Variants in KIF18A observed in about 807,000 individuals in gnomAD.
The protein encoded by KIF18A is kinesin-like protein KIF18A.
A neutral mutation model predicts 103.3 loss-of-function variants in KIF18A; 67 were observed. The ratio of observed to expected loss-of-function variants is 0.65; its 90% CI spans 0.53 to 0.79. KIF18A has a LOEUF of 0.79. KIF18A is among the 30% of genes least tolerant of loss of function. The probability of loss-of-function intolerance (pLI) is 0.00; values close to 1 mark genes in which losing one functional copy is unlikely to be tolerated. For synonymous variants in KIF18A, 367 were observed against 355.5 expected (o/e 1.03, Z -0.36); for missense variants, 1,032 against 1,062.5 (o/e 0.97, Z 0.40).
chr11:28,056,934 C>T, intron 13 of KIF18A: 2 of 390,316 alleles, frequency 5.1e-6, no homozygotes, highest in South Asian at 1.8e-5. Flanking sequence ...CTAATAAACA[C>T]CAGATCCCAA....
At chr11:28,047,046 C>T (rs1850645170) in intron 13 of KIF18A, among the ~76,000 whole-genome samples, 2 of 101,686 alleles carry the variant, frequency 2.0e-5, no homozygotes, top group Non-Finnish European at 3.7e-5. Flanking sequence ...AAGAGCAACA[C>T]TTCGTCTCAG....
At position 28,059,267 on chromosome 11, in the gene KIF18A, AT is replaced by A. The variant is rs912674506; in HGVS notation, c.1713-107del. On this transcript the variant is annotated intron_variant, in intron 12 of 16. Transcript: ENST00000263181. The stretch of plus-strand genomic sequence containing the variant: ...AAAGCATTAGCATATCATTAAAATA[AT>A]TTCCCATGTATGAACTGAGTTCTAG... The A allele has an allele frequency of 5.0e-6, 4 of 804,456 alleles. No homozygotes were observed. The Admixed American group carries it at 9.5e-5, about 19-fold the overall frequency. The allele number at this position is 804,456 out of a possible 1,614,324, so 49.8% of individuals were successfully genotyped here.
At chr11:28,054,677 A>T (rs1850755510) in intron 13 of KIF18A, among the ~76,000 whole-genome samples, 1 of 152,202 alleles carries the variant, frequency 6.6e-6, no homozygotes, top group South Asian at 2.1e-4. Flanking sequence ...TAATTCATGA[A>T]ATGGAAAATA....
chr11:28,031,833 C>T (rs1590662744), intron 15 of KIF18A, among the ~76,000 whole-genome samples: 1 of 151,824 alleles, frequency 6.6e-6, no homozygotes, highest in Non-Finnish European at 1.5e-5. Context: ...AGGATGCCCA[C>T]TTTCACCAGT....
chr11:28,052,295 T>C (rs1850721215), intron 13 of KIF18A, among the ~76,000 whole-genome samples: 1 of 152,116 alleles, frequency 6.6e-6, no homozygotes, highest in South Asian at 2.1e-4. Context: ...GCTCCTTGTT[T>C]TATTCAGAGT....
chr11:28,103,286 G>A (rs1476054241), intron 1 of KIF18A, among the ~76,000 whole-genome samples: 1 of 149,896 alleles, frequency 6.7e-6, no homozygotes, highest in Non-Finnish European at 1.5e-5. Flanking sequence ...TTTCAGATTA[G>A]AGATCCTCAA....
chr11:28,073,816 T>C (rs371923318), intron 10 of KIF18A, among the ~76,000 whole-genome samples: 14 of 152,298 alleles, frequency 9.2e-5, no homozygotes, highest in South Asian at 4.1e-4. Context: ...TTTACCTCCA[T>C]TGTGTCAAGC....
chr11:28,102,715 C>T (rs1166312459), intron 1 of KIF18A, among the ~76,000 whole-genome samples: 1 of 152,120 alleles, frequency 6.6e-6, no homozygotes, highest in Non-Finnish European at 1.5e-5. Flanking sequence ...CTTTTAAAAA[C>T]AAATATGTGG....
intron 9 of KIF18A, among the ~76,000 whole-genome samples, chr11:28,080,585 A>G (rs946377502): frequency 2.0e-5 from 3 of 152,124 alleles, no homozygotes; most frequent in Admixed American, 2.0e-4. Flanking sequence ...ATAAGACAGT[A>G]AACTTAATCA....
intron 11 of KIF18A, among the ~76,000 whole-genome samples, chr11:28,067,244 A>G (rs1406776991): frequency 2.0e-5 from 3 of 152,116 alleles, no homozygotes; most frequent in African/African-American, 4.8e-5. Flanking sequence ...AATGTGCTGT[A>G]TTCTATGTTT....
intron 15 of KIF18A, among the ~76,000 whole-genome samples, chr11:28,026,575 C>T (rs1004743254): frequency 2.8e-4 from 42 of 151,842 alleles, no homozygotes; most frequent in African/African-American, 9.9e-4. Flanking sequence ...TATTATTTCA[C>T]AATATTAGTT....
Position 28,083,149 on chromosome 11 carries a change from A to T in KIF18A, c.1149+20T>A. ...ATGAAGAACTGCGCAAGACTAGCAT[A>T]AAAATATAAACAGACATACCTCTGC... On this transcript the variant is annotated intron_variant, in intron 8 of 16. Coordinates refer to ENST00000263181, the MANE Select transcript of KIF18A (RefSeq NM_031217.4). The T allele has an allele frequency of 6.4e-7, 1 of 1,572,732 alleles. No individual in the cohort carries two copies. The highest frequency in any genetic ancestry group is 8.6e-7 in the Non-Finnish European group (1 of 1,168,196).
Position 28,105,795 on chromosome 11 carries a change from T to C in KIF18A, c.-47+2269A>G, listed in dbSNP as rs143625050. ...TAACAATGCTTAGATTAGGTTGATATGGTGATAATTATTAATAATGAACAA... is the reference window on the plus strand; with the variant it reads ...TAACAATGCTTAGATTAGGTTGATACGGTGATAATTATTAATAATGAACAA... On this transcript the variant is annotated intron_variant, in intron 1 of 16. Transcript: ENST00000263181. Among the ~76,000 whole-genome samples the C allele has an allele frequency of 2.0e-3, 310 of 152,344 alleles. 2 individuals are homozygous for C. The highest frequency in any genetic ancestry group is 7.1e-3 in the African/African-American group (296 of 41,580).
chr11:28,024,384 C>A (rs544414830), intron 15 of KIF18A, among the ~76,000 whole-genome samples: 48 of 152,092 alleles, frequency 3.2e-4, no homozygotes, highest in Non-Finnish European at 5.0e-4. Flanking sequence ...TTTGCTCTAG[C>A]TTCAAAAATT....
chr11:28,031,570 T>C (rs1268437428), intron 15 of KIF18A, among the ~76,000 whole-genome samples: 2 of 151,722 alleles, frequency 1.3e-5, no homozygotes, highest in African/African-American at 4.8e-5. Context: ...TTAGGAGATA[T>C]ACCAAATGTA....
At chr11:28,051,493 C>T (rs2133515173) in intron 13 of KIF18A, among the ~76,000 whole-genome samples, 1 of 151,892 alleles carries the variant, frequency 6.6e-6, no homozygotes, top group African/African-American at 2.4e-5. Flanking sequence ...TCTTGCCTAT[C>T]ATTTAACACC....
intron 7 of KIF18A, among the ~76,000 whole-genome samples, chr11:28,083,989 T>C (rs1306104919): frequency 6.6e-6 from 1 of 152,098 alleles, no homozygotes; most frequent in African/African-American, 2.4e-5. Flanking sequence ...CTAGGTTTTT[T>C]CAACCCCGAT....
At position 28,069,393 on chromosome 11, in the gene KIF18A, T is replaced by C. The variant is rs1292959866; in HGVS notation, c.1456A>G (p.Met486Val). The C allele has an allele frequency of 5.0e-6, 8 of 1,613,460 alleles. No individual in the cohort carries two copies. The African/African-American group carries it at 6.7e-5, about 13-fold the overall frequency. Reference protein sequence around the residue: ...ATGKRDHRLAMLKTRRSYLEK... With the variant: ...ATGKRDHRLAVLKTRRSYLEK... The stretch of plus-strand genomic sequence containing the variant: ...AGGTAGGAGCGACGAGTTTTCAACA[T>C]TGCAAGTCTATGATCTCGTTTTCCA... Residue 486 changes from methionine to valine, a missense_variant, in exon 11 of 17, where the codon ATG (methionine) becomes GTG (valine). Transcript: ENST00000263181.
intron 6 of KIF18A, among the ~76,000 whole-genome samples, chr11:28,085,583 C>A (rs1039060739): frequency 4.6e-5 from 7 of 152,086 alleles, no homozygotes; most frequent in African/African-American, 1.7e-4. Context: ...GGGAAGGGTC[C>A]CCTGTCCTAT....
Sources: allele counts gnomAD v4.1 joint callset (sites outside exome capture counted in the v4.1 genomes callset), GRCh38; gene constraint gnomAD v4.1.1; transcripts MANE v1.5; gene names NCBI Gene and HGNC (gene_info 2026-07-23, HGNC 2026-07-21).